Variants in SEPHS1 observed in about 807,000 individuals in gnomAD.
SEPHS1 encodes zincore component SEPHS1.
A neutral mutation model predicts 39.2 loss-of-function variants in SEPHS1; 7 were observed. That is an observed-to-expected ratio of 0.18 (90% CI 0.10 to 0.34). SEPHS1 has a LOEUF of 0.34. SEPHS1 is among the 10% of genes least tolerant of loss of function. The pLI, the probability that SEPHS1 is intolerant of heterozygous loss-of-function variation, is 1.00. For missense variants in SEPHS1, 253 were observed against 514.5 expected (o/e 0.49, Z 4.92); for synonymous variants, 190 against 195.5 (o/e 0.97, Z 0.23).
chr10:13,338,355 G>C (rs1833699467), intron 3 of SEPHS1, among the ~76,000 whole-genome samples: 2 of 152,288 alleles, frequency 1.3e-5, no homozygotes, highest in Non-Finnish European at 2.9e-5. Context: ...GGGTGATGGA[G>C]GTTACCAATG....
intron 7 of SEPHS1, among the ~76,000 whole-genome samples, chr10:13,324,832 TCA>T (rs1491411693): frequency 6.6e-6 from 1 of 152,226 alleles, no homozygotes; most frequent in Non-Finnish European, 1.5e-5. Context: ...CAGGCTATTC[TCA>T]GTGTTTTGGA....
intron 5 of SEPHS1, among the ~76,000 whole-genome samples, chr10:13,333,135 A>ATT (rs552621122): frequency 4.9e-5 from 7 of 142,826 alleles, no homozygotes; most frequent in Admixed American, 2.1e-4. Context: ...TAATACATCT[A>ATT]TTTTTTTTTT....
chr10:13,342,733 A>G (rs1307239001), intron 2 of SEPHS1, among the ~76,000 whole-genome samples: 3 of 151,930 alleles, frequency 2.0e-5, no homozygotes, highest in Non-Finnish European at 4.4e-5. Context: ...AATGCAAAAC[A>G]GTAATCTTTT....
chr10:13,346,847 T>C (rs905413327), intron 1 of SEPHS1, among the ~76,000 whole-genome samples: 2 of 152,162 alleles, frequency 1.3e-5, no homozygotes, highest in Admixed American at 1.3e-4. Flanking sequence ...TCCTTTTAAA[T>C]TACTATCTTC....
intron 2 of SEPHS1, among the ~76,000 whole-genome samples, chr10:13,341,600 T>G (rs1264941452): frequency 6.6e-6 from 1 of 152,200 alleles, no homozygotes; most frequent in Non-Finnish European, 1.5e-5. Context: ...CTGTTTTGGT[T>G]AACCCTTCAA....
chr10:13,323,138 G>C (rs1474129149), intron 7 of SEPHS1, 91 bp from the exon 8 acceptor site: 5 of 993,094 alleles, frequency 5.0e-6, no homozygotes, highest in African/African-American at 4.8e-5. Flanking sequence ...TTCCTTACTT[G>C]TCAGGGAGAT....
intron 8 of SEPHS1, 48 bp downstream of exon 8, chr10:13,322,787 T>A (rs984602308): frequency 6.4e-7 from 1 of 1,564,282 alleles, no homozygotes; most frequent in Non-Finnish European, 8.7e-7. Context: ...CGCTGAGCTT[T>A]CTGTTAGCCT....
At chr10:13,330,218 A>G (rs1833423870) in intron 5 of SEPHS1, among the ~76,000 whole-genome samples, 1 of 152,208 alleles carries the variant, frequency 6.6e-6, no homozygotes, top group Non-Finnish European at 1.5e-5. Context: ...TTTTCACTAC[A>G]GACCCACTAG....
chr10:13,324,051 G>A (rs1014417645), intron 7 of SEPHS1, among the ~76,000 whole-genome samples: 10 of 152,050 alleles, frequency 6.6e-5, no homozygotes, highest in African/African-American at 2.2e-4. Flanking sequence ...GAAATTAAGT[G>A]GGAAGTAACA....
chr10:13,322,447 C>T (rs1833145797), intron 8 of SEPHS1, among the ~76,000 whole-genome samples: 1 of 152,068 alleles, frequency 6.6e-6, no homozygotes, highest in South Asian at 2.1e-4. Context: ...CACCTGGCCC[C>T]TTTTCTCTCT....
intron 8 of SEPHS1, 142 bp from the exon 9 acceptor site, chr10:13,319,498 CTTTT>C (rs35374518): frequency 0.071 from 58,604 of 827,056 alleles, 2,440 homozygotes; most frequent in Middle Eastern, 0.092. Context: ...AACTAAGCAG[CTTTT>C]TTTTGAGACA....
chr10:13,330,158 G>A (rs113049023), intron 5 of SEPHS1, among the ~76,000 whole-genome samples: 4,769 of 152,170 alleles, frequency 0.031, 130 homozygotes, highest in Non-Finnish European at 0.044. Context: ...GCCTTCAAAC[G>A]TTTCATCAGG....
intron 1 of SEPHS1, among the ~76,000 whole-genome samples, chr10:13,346,670 C>T (rs1833932345): frequency 6.6e-6 from 1 of 151,918 alleles, no homozygotes; most frequent in East Asian, 1.9e-4. Context: ...CAACAAAGTC[C>T]TTTCCTCAAA....
Position 13,319,130 on chromosome 10 carries a change from T to C in SEPHS1, c.*12A>G, listed in dbSNP as rs780871408. The C allele has an allele frequency of 1.9e-6, 3 of 1,610,676 alleles. No individual in the cohort carries two copies. In the South Asian group the frequency reaches 3.3e-5, roughly 18 times the overall value. Reference sequence around the variant, plus strand: ...ATTTAAAAACAAAACCAAACAGCTATTTCTGTCTAGATTAAGAGGTGGCCC... The same window carrying C: ...ATTTAAAAACAAAACCAAACAGCTACTTCTGTCTAGATTAAGAGGTGGCCC... On this transcript the variant is annotated 3_prime_UTR_variant, in exon 9 of 9. Transcript: ENST00000327347.
chr10:13,329,210 T>A (rs1564446495), intron 6 of SEPHS1, among the ~76,000 whole-genome samples: 2 of 152,030 alleles, frequency 1.3e-5, no homozygotes, highest in Admixed American at 6.6e-5. Context: ...ATAGATTCAT[T>A]CTGCACAAGA....
chr10:13,329,794 G>A lies in SEPHS1; in HGVS notation c.561-6C>T, dbSNP rs780601846. On this transcript the variant is annotated splice_polypyrimidine_tract_variant and splice_region_variant and intron_variant, in intron 5 of 8. Coordinates refer to ENST00000327347, the MANE Select transcript of SEPHS1 (RefSeq NM_012247.5). Reference sequence around the variant, plus strand: ...CTGGCACTGCATTGTCTGGCCTGAAGAAAAGAAAAGGGCATGTTCTAGTCA... The same window carrying A: ...CTGGCACTGCATTGTCTGGCCTGAAAAAAAGAAAAGGGCATGTTCTAGTCA... 6.2e-7 allele frequency: 1 copy of A among 1,602,456 alleles called. No individual in the cohort carries two copies. Among genetic ancestry groups the A allele is most frequent in the South Asian group, 1.1e-5 (1 of 88,434 alleles).
At position 13,318,693 on chromosome 10, in the gene SEPHS1, T is replaced by C. The variant is rs1195100846; in HGVS notation, c.*449A>G. 2.2e-5 allele frequency: 4 copies of C among 180,122 alleles called. No homozygotes were observed. Among genetic ancestry groups the C allele is most frequent in the South Asian group, 1.3e-4 (1 of 7,690 alleles). The allele number at this position is 180,122 out of a possible 1,614,324, so 11.2% of individuals were successfully genotyped here. ...CCCTCTTATGACTGGGATACCGTCA[T>C]GTGCCACTTACCAATGCTGTCTCTC... On this transcript the variant is annotated 3_prime_UTR_variant, in exon 9 of 9. Coordinates refer to ENST00000327347, the MANE Select transcript of SEPHS1 (RefSeq NM_012247.5).
intron 3 of SEPHS1, among the ~76,000 whole-genome samples, chr10:13,338,012 T>C (rs1276851010): frequency 6.6e-6 from 1 of 152,166 alleles, no homozygotes; most frequent in Non-Finnish European, 1.5e-5. Context: ...CTCCACTGGC[T>C]CCTCCTGGGT....
chr10:13,322,197 A>G (rs967765438), intron 8 of SEPHS1: 3 of 354,090 alleles, frequency 8.5e-6, no homozygotes, highest in Admixed American at 3.7e-5. Flanking sequence ...GCTGGAGTGC[A>G]GTGGCGCAAT....
Sources: allele counts gnomAD v4.1 joint callset (sites outside exome capture counted in the v4.1 genomes callset), GRCh38; gene constraint gnomAD v4.1.1; transcripts MANE v1.5; gene names NCBI Gene and HGNC (gene_info 2026-07-23, HGNC 2026-07-21).